BACH2: variants seen among roughly 807,000 people sequenced by gnomAD.
BACH2 encodes transcription regulator protein BACH2.
A neutral mutation model predicts 61.8 loss-of-function variants in BACH2; 5 were observed. The observed-to-expected ratio is 0.08, with a 90% CI of 0.04 to 0.17. The LOEUF (loss-of-function observed/expected upper bound fraction) is 0.17. Ranked by LOEUF, BACH2 falls within the 10% of genes least tolerant of loss-of-function variation. The probability of loss-of-function intolerance (pLI) is 1.00; values close to 1 mark genes in which losing one functional copy is unlikely to be tolerated. For synonymous variants in BACH2, 446 were observed against 440.1 expected, an observed-to-expected ratio of 1.01 and a Z score of -0.17; for missense variants, 824 against 1,091.1, an observed-to-expected ratio of 0.76 and a Z score of 3.45.
chr6:90,092,291 A>AAAAAAAAAAAAAAAAAATATATATATAT, intron 4 of BACH2, among the ~76,000 whole-genome samples: 4 of 113,834 alleles, frequency 3.5e-5, no homozygotes. Flanking sequence ...AAAAAAAAAA[A>AAAAAAAAAAAAAAAAAATATATATATAT]ATATATATAT....
chr6:90,167,863 A>G (rs1230822609), intron 4 of BACH2, among the ~76,000 whole-genome samples: 2 of 152,180 alleles, frequency 1.3e-5, no homozygotes, highest in East Asian at 3.8e-4. Context: ...AGGCTTGTAA[A>G]CTTGGTTAAA....
At chr6:90,014,809 C>T (rs1777968834) in intron 5 of BACH2, among the ~76,000 whole-genome samples, 1 of 151,666 alleles carries the variant, frequency 6.6e-6, no homozygotes, top group South Asian at 2.1e-4. Context: ...GACAGTGTCT[C>T]ACTTTGTTGC....
intron 4 of BACH2, among the ~76,000 whole-genome samples, chr6:90,175,545 G>T (rs1414829515): frequency 4.0e-5 from 6 of 151,884 alleles, no homozygotes; most frequent in African/African-American, 1.5e-4. Context: ...CCCTTCTTTT[G>T]AAAGAGAATT....
intron 1 of BACH2, among the ~76,000 whole-genome samples, chr6:90,274,465 A>C (rs1334051770): frequency 6.6e-6 from 1 of 152,226 alleles, no homozygotes; most frequent in Non-Finnish European, 1.5e-5. Flanking sequence ...GAAAGATAAA[A>C]GTGCCAACAA....
intron 5 of BACH2, among the ~76,000 whole-genome samples, chr6:90,072,560 G>A (rs754033799): frequency 6.6e-6 from 1 of 152,188 alleles, no homozygotes; most frequent in Non-Finnish European, 1.5e-5. Flanking sequence ...GTCAAAGCTC[G>A]AGAAACCCTC....
At position 90,076,419 on chromosome 6, in the gene BACH2, T is replaced by C. The variant is rs943791827; in HGVS notation, c.-13+12542A>G. On this transcript the variant is annotated intron_variant, in intron 5 of 8. Coordinates refer to ENST00000257749, the MANE Select transcript of BACH2 (RefSeq NM_021813.4). ...TTGACTAATACTTATTCCCTTATGG[T>C]CCATGGTAACCCATACTCCAAGCAC... 5.9e-5 allele frequency among the ~76,000 whole-genome samples: 9 copies of C among 152,286 alleles called. No homozygotes were observed. The South Asian group carries it at 1.2e-3, about 21-fold the overall frequency.
At chr6:89,938,033 A>G in intron 8 of BACH2, 111 bp downstream of exon 8, 1 of 1,007,880 alleles carries the variant, frequency 9.9e-7, no homozygotes, top group Non-Finnish European at 1.5e-6. Flanking sequence ...AATAAACCCA[A>G]ACTTCCGCAA....
At chr6:90,030,244 G>T (rs186113294) in intron 5 of BACH2, among the ~76,000 whole-genome samples, 1 of 152,096 alleles carries the variant, frequency 6.6e-6, no homozygotes, top group Non-Finnish European at 1.5e-5. Flanking sequence ...CAGGAAAACA[G>T]CCAGCACACA....
At chr6:90,292,709 G>A (rs530721274) in intron 1 of BACH2, among the ~76,000 whole-genome samples, 3 of 152,224 alleles carry the variant, frequency 2.0e-5, no homozygotes, top group African/African-American at 7.2e-5. Flanking sequence ...GACACACAAA[G>A]ATATTAAACA....
chr6:90,073,889 T>A (rs1173079263), intron 5 of BACH2, among the ~76,000 whole-genome samples: 1 of 152,214 alleles, frequency 6.6e-6, no homozygotes, highest in Non-Finnish European at 1.5e-5. Context: ...CTAAGTGATT[T>A]AAAGGATTTT....
intron 5 of BACH2, among the ~76,000 whole-genome samples, chr6:90,082,983 A>G (rs796160946): frequency 6.6e-5 from 10 of 152,336 alleles, no homozygotes; most frequent in African/African-American, 2.4e-4. Flanking sequence ...GCTATCCTGC[A>G]AAGCTTTGTA....
In BACH2 at chr6:89,932,277, T is replaced by C. The variant is rs899906226; in HGVS notation, c.*131A>G. ...AGAGGATACTTCGGAACAGTATTGC[T>C]GCTAAGACCGCTGTAGTGTGCACCA... On this transcript the variant is annotated 3_prime_UTR_variant, in exon 9 of 9. Coordinates refer to ENST00000257749, the MANE Select transcript of BACH2 (RefSeq NM_021813.4). 1 of 1,225,880 alleles carries C rather than the reference T, an allele frequency of 8.2e-7. No individual in the cohort carries two copies. Among genetic ancestry groups the C allele is most frequent in the Admixed American group, 2.1e-5 (1 of 47,038 alleles). 75.9% of individuals were successfully genotyped at this position (1,225,880 alleles called of 1,614,324 possible). A position where few individuals can be genotyped will look rare whatever the true frequency, so the allele number is the denominator to read the frequency against.
At chr6:90,014,953 T>A (rs1777978778) in intron 5 of BACH2, among the ~76,000 whole-genome samples, 1 of 151,060 alleles carries the variant, frequency 6.6e-6, no homozygotes, top group African/African-American at 2.4e-5. Flanking sequence ...TATTTTTTTT[T>A]TTTTTTTGTA....
At chr6:90,029,864 T>C (rs1370493922) in intron 5 of BACH2, among the ~76,000 whole-genome samples, 1 of 152,160 alleles carries the variant, frequency 6.6e-6, no homozygotes, top group Non-Finnish European at 1.5e-5. Context: ...ATGCGACCGT[T>C]AGAGAAAACT....
At chr6:90,223,720 C>T (rs1769819336) in intron 3 of BACH2, among the ~76,000 whole-genome samples, 1 of 152,090 alleles carries the variant, frequency 6.6e-6, no homozygotes, top group Admixed American at 6.6e-5. Flanking sequence ...AGCAATCCAC[C>T]TGCCCTGAGC....
At chr6:90,282,291 T>G (rs576011597) in intron 1 of BACH2, among the ~76,000 whole-genome samples, 28 of 152,166 alleles carry the variant, frequency 1.8e-4, no homozygotes, top group Non-Finnish European at 3.8e-4. Context: ...TTAGTTATTT[T>G]CCCTGATTCT....
At position 90,008,074 on chromosome 6, in the gene BACH2, T is replaced by C. The variant is rs1777511338; in HGVS notation, c.243+528A>G. On this transcript the variant is annotated intron_variant, in intron 6 of 8. Coordinates refer to ENST00000257749, the MANE Select transcript of BACH2 (RefSeq NM_021813.4). This position sits in a 1 kb window ranked among gnomAD's most constrained non-coding sequence, Gnocchi z 4.1. ...GCCAAAATAACCGTATTCACTGATG[T>C]GATTAAGAAACCTGAGTGGGCTGTT... The C allele has an allele frequency of 6.0e-6, 1 of 165,956 alleles. No homozygotes were observed. Among genetic ancestry groups the C allele is most frequent in the Admixed American group, 5.7e-5 (1 of 17,650 alleles). The allele number at this position is 165,956 out of a possible 1,614,324, so 10.3% of individuals were successfully genotyped here.
chr6:90,177,613 G>C (rs193294342), intron 4 of BACH2, among the ~76,000 whole-genome samples: 34 of 152,292 alleles, frequency 2.2e-4, no homozygotes, highest in Admixed American at 1.8e-3. Flanking sequence ...ATGTGGATCG[G>C]ATCGTATGAA....
chr6:90,161,236 T>TA (rs1368072960), intron 4 of BACH2, among the ~76,000 whole-genome samples: 1 of 152,162 alleles, frequency 6.6e-6, no homozygotes, highest in African/African-American at 2.4e-5. Flanking sequence ...AGTTTGGGAT[T>TA]AAAAAAAGTT....
Sources: allele counts gnomAD v4.1 joint callset (sites outside exome capture counted in the v4.1 genomes callset), GRCh38; gene constraint gnomAD v4.1.1; non-coding constraint Gnocchi (gnomAD v3.1); transcripts MANE v1.5; gene names NCBI Gene and HGNC (gene_info 2026-07-23, HGNC 2026-07-21).